The following MAGI1 variants were observed in gnomAD, a reference collection of about 807,000 sequenced individuals.
MAGI1 encodes membrane-associated guanylate kinase, WW and PDZ domain-containing protein 1.
In MAGI1, 58 loss-of-function variants were observed where a neutral mutation model predicts 139.9. The observed-to-expected ratio is 0.41, with a 90% confidence interval of 0.34 to 0.52. The LOEUF (loss-of-function observed/expected upper bound fraction) is 0.52, where lower values mean the gene tolerates loss of function less well. Among genes scored for constraint, MAGI1 ranks in the 20% least tolerant of loss-of-function variants. The pLI is 0.12. For missense variants in MAGI1, 1,874 were observed against 1,901.6 expected (o/e 0.99, Z 0.27); for synonymous variants, 812 against 737.9 (o/e 1.10, Z -1.63).
chr3:65,392,574 A>C (rs979344717), intron 13 of MAGI1, among the ~76,000 whole-genome samples: 3 of 152,112 alleles, frequency 2.0e-5, no homozygotes, highest in Admixed American at 6.5e-5. Flanking sequence ...CAAATCTTCC[A>C]CCAGGTGTTC....
intron 1 of MAGI1, among the ~76,000 whole-genome samples, chr3:65,767,577 C>T (rs1356758783): frequency 6.6e-6 from 1 of 152,150 alleles, no homozygotes; most frequent in African/African-American, 2.4e-5. Context: ...TTCATCCTTC[C>T]CTCAAGAAAG....
chr3:65,883,818 A>G (rs762725707), intron 1 of MAGI1, among the ~76,000 whole-genome samples: 4 of 152,228 alleles, frequency 2.6e-5, no homozygotes, highest in Non-Finnish European at 5.9e-5. Context: ...GGTTTTGTGT[A>G]CACATGAATT....
At chr3:65,741,205 C>T (rs1295561383) in intron 1 of MAGI1, among the ~76,000 whole-genome samples, 1 of 151,008 alleles carries the variant, frequency 6.6e-6, no homozygotes, top group Non-Finnish European at 1.5e-5. Context: ...AATGGAGTCT[C>T]ACTCTGTCCC....
Position 65,464,186 on chromosome 3 carries a change from G to C in MAGI1, c.959+6097C>G, listed in dbSNP as rs138515941. Reference sequence around the variant, plus strand: ...GTTCTTCAATTTTTTTAATCCTTTTGAAGAATCAGCTATTTCTTTCATTGA... The same window carrying C: ...GTTCTTCAATTTTTTTAATCCTTTTCAAGAATCAGCTATTTCTTTCATTGA... On this transcript the variant is annotated intron_variant, in intron 5 of 22. Coordinates refer to ENST00000402939, the MANE Select transcript of MAGI1 (RefSeq NM_001033057.2). 6.3e-4 allele frequency among the ~76,000 whole-genome samples: 96 copies of C among 151,940 alleles called. 2 individuals carry two copies. The East Asian group carries it at 0.018, about 29-fold the overall frequency.
At chr3:65,793,590 AT>A in intron 1 of MAGI1, among the ~76,000 whole-genome samples, 1 of 152,218 alleles carries the variant, frequency 6.6e-6, no homozygotes, top group Admixed American at 6.5e-5. Context: ...TAGAATAACC[AT>A]TGAGCTCACT....
intron 1 of MAGI1, among the ~76,000 whole-genome samples, chr3:65,704,050 G>C (rs566381151): frequency 1.3e-5 from 2 of 152,220 alleles, no homozygotes; most frequent in African/African-American, 4.8e-5. Flanking sequence ...AGTTAATGAA[G>C]TATCTCCTAG....
intron 2 of MAGI1, among the ~76,000 whole-genome samples, chr3:65,528,503 C>G (rs1435278166): frequency 2.0e-5 from 3 of 152,108 alleles, no homozygotes; most frequent in Non-Finnish European, 4.4e-5. Context: ...GAACTTATAC[C>G]TCTCTTTAGT....
chr3:65,996,447 A>G (rs1576401991), intron 1 of MAGI1, among the ~76,000 whole-genome samples: 1 of 152,068 alleles, frequency 6.6e-6, no homozygotes, highest in East Asian at 1.9e-4. Context: ...AAAACTAAAA[A>G]AGAGATACAG....
chr3:65,509,198 C>G (rs2077439144), intron 2 of MAGI1, among the ~76,000 whole-genome samples: 1 of 151,992 alleles, frequency 6.6e-6, no homozygotes, highest in African/African-American at 2.4e-5. Context: ...TCAAAATAAA[C>G]AAACAAAACA....
chr3:65,814,164 T>C (rs1305499612), intron 1 of MAGI1, among the ~76,000 whole-genome samples: 2 of 152,084 alleles, frequency 1.3e-5, no homozygotes, highest in East Asian at 1.9e-4. Context: ...CTGCTAAAGA[T>C]ATAGATTACT....
intron 1 of MAGI1, among the ~76,000 whole-genome samples, chr3:65,869,409 GT>G (rs1352667425): frequency 1.4e-5 from 2 of 140,502 alleles, no homozygotes; most frequent in Non-Finnish European, 1.5e-5. Flanking sequence ...TGTTGTTGTT[GT>G]TGTTGTTTGA....
chr3:65,608,519 G>C (rs905394677), intron 2 of MAGI1, among the ~76,000 whole-genome samples: 13 of 152,154 alleles, frequency 8.5e-5, no homozygotes, highest in Admixed American at 2.6e-4. Context: ...AATAGACAAT[G>C]AGCATTTGAA....
At chr3:65,373,936 G>A (rs1457740319) in intron 18 of MAGI1, among the ~76,000 whole-genome samples, 2 of 152,142 alleles carry the variant, frequency 1.3e-5, no homozygotes, top group African/African-American at 4.8e-5. Flanking sequence ...GTTTGGTTTT[G>A]CATTTACCTT....
chr3:65,531,626 C>A (rs1302865360), intron 2 of MAGI1, among the ~76,000 whole-genome samples: 1 of 152,136 alleles, frequency 6.6e-6, no homozygotes, highest in Non-Finnish European at 1.5e-5. Context: ...ACTGTCCAAA[C>A]AATTGCTCAG....
intron 2 of MAGI1, among the ~76,000 whole-genome samples, chr3:65,579,702 C>G (rs1298522594): frequency 6.6e-6 from 1 of 151,992 alleles, no homozygotes; most frequent in Non-Finnish European, 1.5e-5. Context: ...AAAAAAGTAG[C>G]CGGGAGTGGT....
At chr3:65,468,189 T>C (rs1950291513) in intron 5 of MAGI1, among the ~76,000 whole-genome samples, 1 of 152,168 alleles carries the variant, frequency 6.6e-6, no homozygotes, top group Non-Finnish European at 1.5e-5. Flanking sequence ...TCTTAACTAA[T>C]ACACTTCTTG....
chr3:65,694,129 A>C (rs1400595176), intron 1 of MAGI1, among the ~76,000 whole-genome samples: 1 of 152,224 alleles, frequency 6.6e-6, no homozygotes, highest in African/African-American at 2.4e-5. Context: ...TGTAAAATAG[A>C]GCCAGATAAC....
At chr3:65,978,714 C>T (rs974133123) in intron 1 of MAGI1, among the ~76,000 whole-genome samples, 2 of 151,356 alleles carry the variant, frequency 1.3e-5, no homozygotes, top group Admixed American at 6.6e-5. Flanking sequence ...CTGCAACCTC[C>T]GCCTCCCAGG....
intron 2 of MAGI1, among the ~76,000 whole-genome samples, chr3:65,526,429 G>A (rs781454301): frequency 2.0e-5 from 3 of 152,140 alleles, no homozygotes; most frequent in Non-Finnish European, 4.4e-5. Flanking sequence ...TACTTGCAAC[G>A]TATGTTATGC....
Sources: gnomAD v4.1 joint callset for allele counts (sites outside exome capture counted in the v4.1 genomes callset) on GRCh38, gnomAD v4.1.1 for gene constraint, MANE v1.5 for transcripts, NCBI Gene and HGNC (gene_info 2026-07-23, HGNC 2026-07-21) for gene names.